The following KCNN2 variants were observed in gnomAD, a reference collection of about 807,000 sequenced individuals.
KCNN2 encodes the protein potassium calcium-activated channel subfamily N member 2.
KCNN2 carries 24 observed loss-of-function variants against 55.5 expected under a neutral mutation model. The observed-to-expected ratio is 0.43, with a 90% confidence interval of 0.31 to 0.61. The LOEUF (loss-of-function observed/expected upper bound fraction) is 0.61. Among genes scored for constraint, KCNN2 ranks in the 20% least tolerant of loss-of-function variants. The pLI, the probability that KCNN2 is intolerant of heterozygous loss-of-function variation, is 0.08. For synonymous variants in KCNN2, 431 were observed against 336.1 expected, an observed-to-expected ratio of 1.28 and a Z score of -3.09; for missense variants, 754 against 853.6, an observed-to-expected ratio of 0.88 and a Z score of 1.45.
At chr5:114,493,941 G>A (rs935867576) in intron 7 of KCNN2, among the ~76,000 whole-genome samples, 1 of 152,092 alleles carries the variant, frequency 6.6e-6, no homozygotes, top group African/African-American at 2.4e-5. Flanking sequence ...ATCCTAGAAT[G>A]AAAGTTATCA....
At chr5:114,134,272 A>G (rs1288987508) in intron 1 of KCNN2, among the ~76,000 whole-genome samples, 1 of 150,932 alleles carries the variant, frequency 6.6e-6, no homozygotes, top group Non-Finnish European at 1.5e-5. Context: ...GAAAAGCCAT[A>G]CGCTTGGCCC....
intron 3 of KCNN2, among the ~76,000 whole-genome samples, chr5:114,439,202 C>A (rs1212979713): frequency 1.3e-5 from 2 of 152,158 alleles, no homozygotes; most frequent in Admixed American, 6.5e-5. Context: ...TGTATGAAAA[C>A]ATATCAGCAG....
At chr5:114,118,196 A>G (rs1751749412) in intron 1 of KCNN2, among the ~76,000 whole-genome samples, 1 of 152,126 alleles carries the variant, frequency 6.6e-6, no homozygotes, top group South Asian at 2.1e-4. Context: ...GATTTCCAGG[A>G]GCTGCGGTGC....
chr5:114,435,934 T>A (rs1034092530), intron 3 of KCNN2, among the ~76,000 whole-genome samples: 1 of 152,226 alleles, frequency 6.6e-6, no homozygotes, highest in African/African-American at 2.4e-5. Flanking sequence ...TCATTATGCT[T>A]CTTTGTAAGG....
chr5:114,314,564 A>G (rs1400563124), intron 2 of KCNN2, among the ~76,000 whole-genome samples: 3 of 152,100 alleles, frequency 2.0e-5, no homozygotes, highest in Non-Finnish European at 4.4e-5. Flanking sequence ...TTTCACTTTA[A>G]AAATTTTTTA....
At chr5:114,145,492 A>C (rs1006690817) in intron 1 of KCNN2, among the ~76,000 whole-genome samples, 7 of 152,182 alleles carry the variant, frequency 4.6e-5, no homozygotes, top group Non-Finnish European at 1.0e-4. Context: ...CAAGTGTCCT[A>C]AAGGAGGGAC....
At chr5:114,308,456 G>C (rs996795283) in intron 2 of KCNN2, among the ~76,000 whole-genome samples, 2 of 152,220 alleles carry the variant, frequency 1.3e-5, no homozygotes, top group Non-Finnish European at 2.9e-5. Flanking sequence ...CATGTTGCAG[G>C]TGACTGATGC....
intron 2 of KCNN2, among the ~76,000 whole-genome samples, chr5:114,352,320 T>C (rs1404820647): frequency 6.6e-6 from 1 of 151,656 alleles, no homozygotes; most frequent in Non-Finnish European, 1.5e-5. Flanking sequence ...TCTCTTTCTT[T>C]TTTTTTCCTG....
chr5:114,333,691 TAGAAATAAAATA>T (rs1756869931), intron 2 of KCNN2, among the ~76,000 whole-genome samples: 1 of 152,054 alleles, frequency 6.6e-6, no homozygotes, highest in Admixed American at 6.5e-5. Flanking sequence ...TTTCTAGATT[TAGAAATAAAATA>T]AGAAATAAAA....
At position 114,185,797 on chromosome 5, in the gene KCNN2, A is replaced by AAGGAGGAGCCTTGTC. The variant is rs140733188; in HGVS notation, c.-270-35681_-270-35667dup. On this transcript the variant is annotated intron_variant, in intron 1 of 10. Transcript: ENST00000512097. ...GAATTCAAGGAATTTGACTAATGAC[A>AAGGAGGAGCCTTGTC]AGGAGGAGCCTTGTCATTAGGACAA... 8.4e-3 allele frequency among the ~76,000 whole-genome samples: 1,279 copies of AAGGAGGAGCCTTGTC among 152,310 alleles called. 6 individuals carry two copies. Among genetic ancestry groups the AAGGAGGAGCCTTGTC allele is most frequent in the Middle Eastern group, 0.02 (6 of 294 alleles).
chr5:114,249,140 TTC>T (rs1328588654), intron 2 of KCNN2, among the ~76,000 whole-genome samples: 2 of 152,178 alleles, frequency 1.3e-5, no homozygotes, highest in Non-Finnish European at 2.9e-5. Context: ...TAGCAAGACA[TTC>T]TCTAAGTTCT....
At chr5:114,090,889 C>G (rs1751129554) in intron 1 of KCNN2, among the ~76,000 whole-genome samples, 1 of 152,090 alleles carries the variant, frequency 6.6e-6, no homozygotes, top group Non-Finnish European at 1.5e-5. Flanking sequence ...CACTCTGTTG[C>G]CCAGACTGGA....
At chr5:114,417,497 G>A (rs1759341421) in intron 3 of KCNN2, among the ~76,000 whole-genome samples, 1 of 152,140 alleles carries the variant, frequency 6.6e-6, no homozygotes, top group African/African-American at 2.4e-5. Flanking sequence ...ATATCACACT[G>A]ATACCTTTTG....
chr5:114,187,591 C>T (rs140328215), intron 1 of KCNN2, among the ~76,000 whole-genome samples: 7,752 of 148,292 alleles, frequency 0.052, 263 homozygotes, highest in Middle Eastern at 0.11. Context: ...CTGCAAGCTC[C>T]GCCTCCCGGG....
chr5:114,391,168 A>G (rs1343434006), intron 2 of KCNN2, among the ~76,000 whole-genome samples: 2 of 152,230 alleles, frequency 1.3e-5, no homozygotes, highest in African/African-American at 2.4e-5. Context: ...CAATACTGAC[A>G]TTGCTCTAGA....
chr5:114,090,561 C>A (rs7700873), intron 1 of KCNN2, among the ~76,000 whole-genome samples: 49,386 of 138,014 alleles, frequency 0.36, 8,378 homozygotes, highest in Middle Eastern at 0.39. Flanking sequence ...CTCTCTCTCT[C>A]TATATATATA....
chr5:114,197,116 A>T (rs1039097193), intron 1 of KCNN2, among the ~76,000 whole-genome samples: 1 of 151,930 alleles, frequency 6.6e-6, no homozygotes, highest in African/African-American at 2.4e-5. Context: ...AAGTTTGCTT[A>T]TTTTCAGGTA....
chr5:114,203,192 T>C (rs1269013489), intron 1 of KCNN2, among the ~76,000 whole-genome samples: 2 of 152,198 alleles, frequency 1.3e-5, no homozygotes, highest in Admixed American at 1.3e-4. Context: ...ATTAGGTCTC[T>C]AATATTAAAT....
intron 2 of KCNN2, among the ~76,000 whole-genome samples, chr5:114,369,318 T>C (rs1334000620): frequency 6.6e-6 from 1 of 152,226 alleles, no homozygotes; most frequent in Admixed American, 6.5e-5. Context: ...ATCTATTTTG[T>C]AATATCAGTG....
Sources: gnomAD v4.1 joint callset for allele counts (sites outside exome capture counted in the v4.1 genomes callset) on GRCh38, gnomAD v4.1.1 for gene constraint, MANE v1.5 for transcripts, NCBI Gene and HGNC (gene_info 2026-07-23, HGNC 2026-07-21) for gene names.